HERC3: variants seen among roughly 807,000 people sequenced by gnomAD.
The protein encoded by HERC3 is HECT and RLD domain containing E3 ubiquitin protein ligase 3.
Under a neutral mutation model 129.9 loss-of-function variants are expected in HERC3, and 58 were observed. The ratio of observed to expected loss-of-function variants is 0.45; its 90% CI spans 0.36 to 0.56. HERC3 has a LOEUF of 0.56. Among genes scored for constraint, HERC3 ranks in the 20% least tolerant of loss-of-function variants. The pLI, the probability that HERC3 is intolerant of heterozygous loss-of-function variation, is 0.00. For missense variants in HERC3, 835 were observed against 1,244.2 expected (o/e 0.67, Z 4.95); for synonymous variants, 430 against 451.0 (o/e 0.95, Z 0.59).
intron 3 of HERC3, among the ~76,000 whole-genome samples, chr4:88,619,881 A>G (rs1430588573): frequency 6.6e-6 from 1 of 152,208 alleles, no homozygotes; most frequent in Non-Finnish European, 1.5e-5. Flanking sequence ...CCACTTTTTC[A>G]TCATCCATTT....
chr4:88,595,100 CAAAAAAA>C (rs758727600), intron 1 of HERC3, among the ~76,000 whole-genome samples: 19 of 60,086 alleles, frequency 3.2e-4, no homozygotes, highest in Non-Finnish European at 5.2e-4. Context: ...GACTCTGTCT[CAAAAAAA>C]AAAAAAAAAA....
At chr4:88,660,475 A>AT (rs1730376388) in intron 10 of HERC3, among the ~76,000 whole-genome samples, 1 of 152,176 alleles carries the variant, frequency 6.6e-6, no homozygotes, top group African/African-American at 2.4e-5. Flanking sequence ...AAGTGCTAGG[A>AT]TTACAGGCGT....
At chr4:88,636,482 C>T (rs909248891) in intron 3 of HERC3, among the ~76,000 whole-genome samples, 1 of 152,054 alleles carries the variant, frequency 6.6e-6, no homozygotes, top group Admixed American at 6.5e-5. Context: ...ATGGGAGCAC[C>T]CAGATTCATA....
intron 3 of HERC3, among the ~76,000 whole-genome samples, chr4:88,637,219 A>G (rs1397416064): frequency 6.6e-6 from 1 of 151,970 alleles, no homozygotes; most frequent in Non-Finnish European, 1.5e-5. Flanking sequence ...AGGTCAGGAG[A>G]TCGAGACCAT....
chr4:88,697,716 G>T (rs1350948066), intron 23 of HERC3: 5 of 1,611,348 alleles, frequency 3.1e-6, no homozygotes, highest in African/African-American at 1.3e-5. Flanking sequence ...CCGCCGCCTG[G>T]CTAGGCTCCG....
chr4:88,585,045 C>G, the HERC3 span, among the ~76,000 whole-genome samples: 7 of 152,190 alleles, frequency 4.6e-5, no homozygotes, highest in African/African-American at 9.7e-5. Context: ...AAGGCACCAG[C>G]AGATTTGGTG....
chr4:88,681,123 A>G lies in HERC3; in HGVS notation c.2341-36A>G, dbSNP rs771627683. 2.6e-5 allele frequency: 40 copies of G among 1,550,390 alleles called. No individual in the cohort carries two copies. In the Admixed American group the frequency reaches 7.8e-4, roughly 30 times the overall value. On this transcript the variant is annotated intron_variant, in intron 20 of 25. Coordinates refer to ENST00000402738, the MANE Select transcript of HERC3 (RefSeq NM_014606.3). The stretch of plus-strand genomic sequence containing the variant: ...AATGTTTGAAGGCCAGAAACATTGC[A>G]TTTCTTTTTAACACATTTGTATGTG...
the HERC3 span, among the ~76,000 whole-genome samples, chr4:88,545,430 C>CCTTTTTTTTTTT: frequency 3.4e-4 from 38 of 110,386 alleles, 1 homozygote; most frequent in Middle Eastern, 4.9e-3. Flanking sequence ...TTTGAGAATT[C>CCTTTTTTTTTTT]TTTTTTTTTT....
intron 13 of HERC3, 99 bp downstream of exon 13, chr4:88,667,587 C>T: frequency 1.4e-6 from 1 of 702,666 alleles, no homozygotes; most frequent in Admixed American, 3.2e-5. Flanking sequence ...AAGTGAAAGT[C>T]TCCAAATCTT....
At chr4:88,615,861 G>T (rs1209590617) in intron 3 of HERC3, among the ~76,000 whole-genome samples, 2 of 152,100 alleles carry the variant, frequency 1.3e-5, no homozygotes. Flanking sequence ...GCAAGTACTA[G>T]CTATTATCAT....
At chr4:88,532,159 A>G in the HERC3 span, among the ~76,000 whole-genome samples, 1 of 152,210 alleles carries the variant, frequency 6.6e-6, no homozygotes, top group Non-Finnish European at 1.5e-5. Flanking sequence ...AGTAAAGAAT[A>G]GTGGCCTGAA....
intron 8 of HERC3, 104 bp downstream of exon 8, chr4:88,655,408 G>A: frequency 7.4e-7 from 1 of 1,349,254 alleles, no homozygotes; most frequent in Non-Finnish European, 1.0e-6. Context: ...GTCATTTTAA[G>A]AGATCTTAAC....
At chr4:88,656,150 A>G (rs866881807) in intron 9 of HERC3, 115 bp downstream of exon 9, 2 of 915,168 alleles carry the variant, frequency 2.2e-6, no homozygotes, top group South Asian at 1.7e-5. Flanking sequence ...AAGATAAGGT[A>G]TTTTTTAACA....
At chr4:88,588,878 T>C (rs1721593496), upstream of HERC3, among the ~76,000 whole-genome samples, 1 of 152,232 alleles carries the variant, frequency 6.6e-6, no homozygotes, top group South Asian at 2.1e-4. Flanking sequence ...CCACTGGGCA[T>C]ACCTTGTCTA....
At chr4:88,614,532 T>C (rs1389494919) in intron 3 of HERC3, among the ~76,000 whole-genome samples, 1 of 152,162 alleles carries the variant, frequency 6.6e-6, no homozygotes. Context: ...ATGATCAAGG[T>C]ACTTTGGTAA....
chr4:88,587,477 T>C (rs1026322622), upstream of HERC3, among the ~76,000 whole-genome samples: 3 of 152,240 alleles, frequency 2.0e-5, no homozygotes, highest in African/African-American at 7.2e-5. Context: ...GAACATATCA[T>C]GTAATGTCAC....
At chr4:88,652,783 C>T (rs1729433862) in intron 5 of HERC3, 86 bp from the exon 6 acceptor site, 1 of 1,391,426 alleles carries the variant, frequency 7.2e-7, no homozygotes, top group African/African-American at 1.4e-5. Context: ...TGGGGGGCAA[C>T]TGGCAAATGA....
chr4:88,527,454 T>A, the HERC3 span: 2 of 161,648 alleles, frequency 1.2e-5, no homozygotes, highest in Non-Finnish European at 2.7e-5. Context: ...AAAGTCAGGG[T>A]CTCACTATGT....
At chr4:88,594,235 A>T (rs1341751427) in intron 1 of HERC3, among the ~76,000 whole-genome samples, 1 of 152,186 alleles carries the variant, frequency 6.6e-6, no homozygotes. Context: ...ACCAAATTTA[A>T]ATTTCTTAAG....
Sources: allele counts gnomAD v4.1 joint callset (sites outside exome capture counted in the v4.1 genomes callset), GRCh38; gene constraint gnomAD v4.1.1; transcripts MANE v1.5; gene names NCBI Gene and HGNC (gene_info 2026-07-23, HGNC 2026-07-21).